ADAMTS20: variants seen among roughly 807,000 people sequenced by gnomAD.
ADAMTS20 encodes ADAM metallopeptidase with thrombospondin type 1 motif 20.
A neutral mutation model predicts 260.1 loss-of-function variants in ADAMTS20; 225 were observed. The ratio of observed to expected loss-of-function variants is 0.87; its 90% CI spans 0.78 to 0.97. The LOEUF is 0.97. Ranked by LOEUF, ADAMTS20 falls within the 50% of genes least tolerant of loss-of-function variation. ADAMTS20 has a pLI of 0.00. For missense variants in ADAMTS20, 2,400 were observed against 2,337.7 expected (o/e 1.03, Z -0.55); for synonymous variants, 802 against 769.5 (o/e 1.04, Z -0.70).
At chr12:43,376,390 A>G in intron 33 of ADAMTS20, 60 bp from the exon 34 acceptor site, 1 of 1,453,856 alleles carries the variant, frequency 6.9e-7, no homozygotes, top group African/African-American at 1.4e-5. Flanking sequence ...GCAAGAACTT[A>G]ATCATAGAAA....
chr12:43,466,926 C>T, intron 8 of ADAMTS20, 131 bp from the exon 9 acceptor site: 1 of 687,708 alleles, frequency 1.5e-6, no homozygotes, highest in East Asian at 2.9e-5. Flanking sequence ...ATTTGAACTC[C>T]ATCTATCCAT....
At chr12:43,440,669 T>C (rs1179514465) in intron 16 of ADAMTS20, among the ~76,000 whole-genome samples, 1 of 152,114 alleles carries the variant, frequency 6.6e-6, no homozygotes, top group East Asian at 1.9e-4. Flanking sequence ...GAACAAGCAG[T>C]GGGAAAGCAG....
chr12:43,477,339 G>T (rs1942374635), intron 7 of ADAMTS20, among the ~76,000 whole-genome samples: 1 of 152,082 alleles, frequency 6.6e-6, no homozygotes, highest in Non-Finnish European at 1.5e-5. Context: ...GGACAACAGG[G>T]TATAGATAAT....
chr12:43,460,983 T>TTTG (rs1942050940), intron 11 of ADAMTS20, among the ~76,000 whole-genome samples: 1 of 61,858 alleles, frequency 1.6e-5, no homozygotes, highest in Non-Finnish European at 3.1e-5. Context: ...TATATATATA[T>TTTG]ATATATTTTT....
chr12:43,376,700 A>C, intron 32 of ADAMTS20, 47 bp from the exon 33 acceptor site: 2 of 1,563,716 alleles, frequency 1.3e-6, no homozygotes, highest in Non-Finnish European at 1.7e-6. Context: ...ATGAATCTTA[A>C]GGCCATAAAA....
rs538732299 is a variant in ADAMTS20, at chr12:43,523,322, C to T, written c.613+8714G>A. On this transcript the variant is annotated intron_variant, in intron 3 of 38. Coordinates refer to ENST00000389420, the MANE Select transcript of ADAMTS20 (RefSeq NM_025003.5). ...TCCGTGCAGAACGGCGGAAGCCATT[C>T]CTTATTTTGTCTCACAGGGGACCTC... Among the ~76,000 whole-genome samples, 21 of 152,278 alleles carry T rather than the reference C, an allele frequency of 1.4e-4. 2 individuals are homozygous for T. The South Asian group carries it at 4.4e-3, about 32-fold the overall frequency.
In ADAMTS20 at chr12:43,430,357, T is replaced by A; in HGVS notation, c.3376A>T (p.Arg1126Ter). The change falls in exon 23 of 39, where the codon AGA becomes TGA. Residue 1126 changes from arginine to a stop codon, truncating the protein, a stop_gained. Coordinates refer to ENST00000389420, the MANE Select transcript of ADAMTS20 (RefSeq NM_025003.5). LOFTEE classifies it high-confidence loss of function. ...ECHEASRPSD[R>*]QSCVLTPCSF... ...TAAACCATGATTCTTTTTACCTGTC[T>A]GTCACTGGGGCGACTAGCTTCATGG... 1 of 1,611,850 alleles carries A rather than the reference T, an allele frequency of 6.2e-7. No homozygotes were observed. The highest frequency in any genetic ancestry group is 2.2e-5 in the East Asian group (1 of 44,816).
At chr12:43,440,112 T>G in intron 16 of ADAMTS20, 43 bp from the exon 17 acceptor site, 2 of 994,892 alleles carry the variant, frequency 2.0e-6, no homozygotes, top group South Asian at 3.0e-5. Flanking sequence ...GTAACACCAA[T>G]CAACAATACA....
rs560225885 is a variant in ADAMTS20 at position 43,415,247 on chromosome 12, G to A, written c.4284+10267C>T. 5.0e-4 allele frequency among the ~76,000 whole-genome samples: 76 copies of A among 152,168 alleles called. 1 individual carries two copies. Among genetic ancestry groups the A allele is most frequent in the African/African-American group, 1.7e-3 (71 of 41,534 alleles). On this transcript the variant is annotated intron_variant, in intron 28 of 38. Coordinates refer to ENST00000389420, the MANE Select transcript of ADAMTS20 (RefSeq NM_025003.5). Reference sequence around the variant, plus strand: ...GTGGGGGAATTTCTGTGGTGCTGATGTTATTGGTTTGAGCATTGTCTACAT... The same window carrying A: ...GTGGGGGAATTTCTGTGGTGCTGATATTATTGGTTTGAGCATTGTCTACAT...
intron 4 of ADAMTS20, among the ~76,000 whole-genome samples, chr12:43,494,273 A>G (rs1409963831): frequency 6.6e-6 from 1 of 152,208 alleles, no homozygotes; most frequent in Non-Finnish European, 1.5e-5. Context: ...TGTTGGCTAG[A>G]GAAGCAGATA....
chr12:43,423,904 C>T, intron 28 of ADAMTS20: 1 of 723,990 alleles, frequency 1.4e-6, no homozygotes, highest in South Asian at 1.4e-5. Context: ...TTTGAGGCAG[C>T]AATTTCACTT....
chr12:43,495,613 G>A (rs141733119), intron 4 of ADAMTS20, among the ~76,000 whole-genome samples: 201 of 152,236 alleles, frequency 1.3e-3, no homozygotes, highest in African/African-American at 4.6e-3. Flanking sequence ...AAGCATGATT[G>A]CTTTATTATC....
intron 7 of ADAMTS20, among the ~76,000 whole-genome samples, chr12:43,488,559 G>A (rs1942556436): frequency 6.6e-6 from 1 of 152,162 alleles, no homozygotes; most frequent in Non-Finnish European, 1.5e-5. Context: ...TAAGGAGACT[G>A]ACATGTTTTG....
intron 3 of ADAMTS20, among the ~76,000 whole-genome samples, chr12:43,521,911 C>G (rs1174617987): frequency 6.6e-6 from 1 of 152,000 alleles, no homozygotes; most frequent in East Asian, 1.9e-4. Flanking sequence ...GCTGGAGAGC[C>G]CTGTTCTAAC....
chr12:43,385,688 C>T (rs1490456013), intron 29 of ADAMTS20, among the ~76,000 whole-genome samples: 5 of 152,156 alleles, frequency 3.3e-5, no homozygotes, highest in Admixed American at 3.3e-4. Context: ...TTTCCCAACA[C>T]CATTTATTAA....
At chr12:43,385,550 T>C (rs1046939606) in intron 29 of ADAMTS20, among the ~76,000 whole-genome samples, 1 of 152,226 alleles carries the variant, frequency 6.6e-6, no homozygotes, top group Non-Finnish European at 1.5e-5. Flanking sequence ...TGGTATTTCC[T>C]AGGTTTTCTT....
At chr12:43,482,095 G>A (rs1335414323) in intron 7 of ADAMTS20, among the ~76,000 whole-genome samples, 1 of 152,178 alleles carries the variant, frequency 6.6e-6, no homozygotes, top group East Asian at 1.9e-4. Flanking sequence ...CGGCATCAGT[G>A]TGTACTCCCA....
At chr12:43,387,982 T>C (rs1940517685) in intron 29 of ADAMTS20, among the ~76,000 whole-genome samples, 1 of 152,126 alleles carries the variant, frequency 6.6e-6, no homozygotes, top group Admixed American at 6.5e-5. Flanking sequence ...GGGTGGGATC[T>C]GCTGAGCTAG....
intron 14 of ADAMTS20, among the ~76,000 whole-genome samples, chr12:43,450,239 C>G (rs1036364988): frequency 6.6e-5 from 10 of 152,012 alleles, no homozygotes; most frequent in Non-Finnish European, 1.5e-4. Flanking sequence ...TTCAAAAAAA[C>G]AAATGCAGCT....
Sources: allele counts gnomAD v4.1 joint callset (sites outside exome capture counted in the v4.1 genomes callset), GRCh38; gene constraint gnomAD v4.1.1; transcripts MANE v1.5; gene names NCBI Gene and HGNC (gene_info 2026-07-23, HGNC 2026-07-21).